Variants in CRY1 observed in about 807,000 individuals in gnomAD.
CRY1 encodes the protein cryptochrome circadian regulator 1.
CRY1 carries 45 observed loss-of-function variants against 76.0 expected under a neutral mutation model. That is an observed-to-expected ratio of 0.59 (90% CI 0.47 to 0.76). CRY1 has a LOEUF of 0.76. Ranked by LOEUF, CRY1 falls within the 30% of genes least tolerant of loss-of-function variation. The pLI, the probability that CRY1 is intolerant of heterozygous loss-of-function variation, is 0.00. For synonymous variants in CRY1, 248 were observed against 244.0 expected (o/e 1.02, Z -0.15); for missense variants, 587 against 716.4 (o/e 0.82, Z 2.06).
Position 107,014,775 on chromosome 12 carries a change from C to A in CRY1, c.267+7309G>T, listed in dbSNP as rs76869659. 7.6e-4 allele frequency among the ~76,000 whole-genome samples: 115 copies of A among 152,268 alleles called. No homozygotes were observed. The East Asian group carries it at 0.019, about 25-fold the overall frequency. ...TATCTGCAGGAAATTGGTTCCAGGA[C>A]CCCCTGTGGATACCAAAATTCACAA... is the stretch of plus-strand genomic sequence containing the variant. On this transcript the variant is annotated intron_variant, in intron 2 of 12. Coordinates refer to ENST00000008527, the MANE Select transcript of CRY1 (RefSeq NM_004075.5).
intron 3 of CRY1, among the ~76,000 whole-genome samples, chr12:107,002,735 C>A (rs1484802234): frequency 6.6e-6 from 1 of 152,190 alleles, no homozygotes; most frequent in Non-Finnish European, 1.5e-5. Flanking sequence ...ACAATTCCCA[C>A]ATCATGGGAG....
At chr12:107,011,983 A>AG (rs1952449770) in intron 2 of CRY1, among the ~76,000 whole-genome samples, 2 of 152,134 alleles carry the variant, frequency 1.3e-5, no homozygotes, top group South Asian at 4.1e-4. Flanking sequence ...TGAGGTCAGG[A>AG]GTTCGAGACC....
At chr12:107,039,601 AT>A (rs759052956) in intron 1 of CRY1, among the ~76,000 whole-genome samples, 90 of 152,352 alleles carry the variant, frequency 5.9e-4, no homozygotes, top group African/African-American at 2.0e-3. Context: ...AGAAATGCAA[AT>A]CAAAACCACA....
chr12:107,001,251 G>A, intron 5 of CRY1, 29 bp downstream of exon 5: 1 of 1,499,856 alleles, frequency 6.7e-7, no homozygotes, highest in Non-Finnish European at 9.1e-7. Context: ...GGAAATACAA[G>A]CATAGCTATA....
At chr12:107,000,104 T>C (rs770357517) in intron 5 of CRY1, 22 bp from the exon 6 acceptor site, 8 of 1,567,758 alleles carry the variant, frequency 5.1e-6, no homozygotes, top group Non-Finnish European at 6.9e-6. Flanking sequence ...CAGAGAAAAT[T>C]ATATTAACTA....
At chr12:107,007,968 C>CCATA (rs1439461244) in intron 2 of CRY1, among the ~76,000 whole-genome samples, 9 of 152,214 alleles carry the variant, frequency 5.9e-5, no homozygotes, top group Non-Finnish European at 1.0e-4. Flanking sequence ...AAAATATCAG[C>CCATA]CATATTATTA....
chr12:107,034,985 T>C (rs1228454690), intron 1 of CRY1, among the ~76,000 whole-genome samples: 3 of 152,190 alleles, frequency 2.0e-5, no homozygotes, highest in Non-Finnish European at 2.9e-5. Flanking sequence ...AATCACTGCA[T>C]TGTGACTCTA....
At chr12:107,037,748 GC>G (rs1469512675) in intron 1 of CRY1, among the ~76,000 whole-genome samples, 11 of 151,826 alleles carry the variant, frequency 7.2e-5, no homozygotes, top group Non-Finnish European at 1.3e-4. Flanking sequence ...TCACTCTGTT[GC>G]CCAGGCTGAA....
intron 1 of CRY1, among the ~76,000 whole-genome samples, chr12:107,029,117 T>G (rs527639224): frequency 3.7e-4 from 56 of 152,300 alleles, no homozygotes; most frequent in African/African-American, 1.3e-3. Context: ...TTGCCCAGGC[T>G]GGCCTCAAAT....
intron 1 of CRY1, among the ~76,000 whole-genome samples, chr12:107,037,326 G>C (rs960758211): frequency 6.6e-5 from 10 of 152,166 alleles, no homozygotes; most frequent in Admixed American, 3.9e-4. Flanking sequence ...GAGGTCAGGA[G>C]TTCGAGACCA....
At chr12:107,051,517 G>A (rs1952920535) in intron 1 of CRY1, among the ~76,000 whole-genome samples, 1 of 152,004 alleles carries the variant, frequency 6.6e-6, no homozygotes, top group African/African-American at 2.4e-5. Flanking sequence ...TCCCATCCTT[G>A]AAGCCTCCCA....
chr12:107,004,399 T>C (rs1234965694), intron 3 of CRY1, among the ~76,000 whole-genome samples: 33 of 152,138 alleles, frequency 2.2e-4, no homozygotes. Flanking sequence ...TAAAATGATT[T>C]AAAAGGTAAA....
At chr12:107,029,608 A>G (rs1203629526) in intron 1 of CRY1, among the ~76,000 whole-genome samples, 1 of 41,260 alleles carries the variant, frequency 2.4e-5, no homozygotes, top group Non-Finnish European at 7.8e-5. Flanking sequence ...TCTTGCCTCA[A>G]AAAAAAAAAA....
intron 2 of CRY1, among the ~76,000 whole-genome samples, chr12:107,009,555 C>CAACAAA (rs1275844153): frequency 3.1e-5 from 1 of 32,152 alleles, no homozygotes; most frequent in Admixed American, 4.4e-4. Context: ...AACAAAAAAA[C>CAACAAA]AAAAAAACAT....
intron 10 of CRY1, among the ~76,000 whole-genome samples, chr12:106,994,079 TAAGAC>T (rs1370072932): frequency 6.6e-6 from 1 of 151,762 alleles, no homozygotes; most frequent in African/African-American, 2.4e-5. Context: ...AACAAAAAAC[TAAGAC>T]AAGTAAAAGA....
intron 1 of CRY1, among the ~76,000 whole-genome samples, chr12:107,047,042 AG>A (rs1952856695): frequency 6.6e-6 from 1 of 152,232 alleles, no homozygotes; most frequent in Admixed American, 6.5e-5. Flanking sequence ...ACAGACATTT[AG>A]AACACTTCGT....
At chr12:107,024,519 GGC>G (rs1952587457) in intron 1 of CRY1, among the ~76,000 whole-genome samples, 3 of 151,964 alleles carry the variant, frequency 2.0e-5, no homozygotes, top group Admixed American at 2.0e-4. Flanking sequence ...TGGGACCACA[GGC>G]ATATGCCATC....
At position 107,000,142 on chromosome 12, in the gene CRY1, T is replaced by G; in HGVS notation, c.685-60A>C. 2.0e-6 allele frequency: 3 copies of G among 1,495,850 alleles called. No individual in the cohort carries two copies. In the South Asian group the frequency reaches 4.2e-5, roughly 21 times the overall value. 92.7% of individuals were successfully genotyped at this position (1,495,850 alleles called of 1,614,324 possible). ...TGTCTTTTTCATTTTAAAAGAACAC[T>G]CAGAATGGAGATTTTTTTTTTTAAA... On this transcript the variant is annotated intron_variant, in intron 5 of 12. Coordinates refer to ENST00000008527, the MANE Select transcript of CRY1 (RefSeq NM_004075.5).
intron 1 of CRY1, among the ~76,000 whole-genome samples, chr12:107,034,359 T>C (rs1250385441): frequency 3.9e-5 from 6 of 152,206 alleles, no homozygotes; most frequent in African/African-American, 1.4e-4. Context: ...GGAAAACTCA[T>C]GAATAAGCCA....
Sources: allele counts gnomAD v4.1 joint callset (sites outside exome capture counted in the v4.1 genomes callset), GRCh38; gene constraint gnomAD v4.1.1; transcripts MANE v1.5; gene names NCBI Gene and HGNC (gene_info 2026-07-23, HGNC 2026-07-21).